EHBP1: variants seen among roughly 807,000 people sequenced by gnomAD.
The protein encoded by EHBP1 is EH domain binding protein 1, also known as EH domain-binding protein 1.
EHBP1 carries 55 observed loss-of-function variants against 144.0 expected under a neutral mutation model. That is an observed-to-expected ratio of 0.38 (90% CI 0.31 to 0.48). The LOEUF (loss-of-function observed/expected upper bound fraction) is 0.48, where lower values mean the gene tolerates loss of function less well. Among genes scored for constraint, EHBP1 ranks in the 20% least tolerant of loss-of-function variants. The pLI is 0.98. For synonymous variants in EHBP1, 469 were observed against 472.7 expected (o/e 0.99, Z 0.10); for missense variants, 1,200 against 1,364.2 (o/e 0.88, Z 1.90).
chr2:62,832,688 T>C (rs2046917575), intron 7 of EHBP1, among the ~76,000 whole-genome samples: 1 of 152,164 alleles, frequency 6.6e-6, no homozygotes, highest in African/African-American at 2.4e-5. Flanking sequence ...GTGCCATGAA[T>C]TGCACCCATT....
chr2:63,008,299 A>G (rs766817884), intron 19 of EHBP1, among the ~76,000 whole-genome samples: 5 of 151,714 alleles, frequency 3.3e-5, no homozygotes, highest in African/African-American at 7.2e-5. Flanking sequence ...AAAAGGGTCA[A>G]TGCTTTTTCC....
chr2:62,838,530 C>T (rs1470829483), intron 7 of EHBP1, among the ~76,000 whole-genome samples: 14 of 152,002 alleles, frequency 9.2e-5, no homozygotes, highest in Non-Finnish European at 1.5e-5. Flanking sequence ...AAAAGCCCTT[C>T]AAAAAATCAG....
chr2:62,681,398 G>GTATA (rs545582118), intron 1 of EHBP1, among the ~76,000 whole-genome samples: 2 of 122,478 alleles, frequency 1.6e-5, no homozygotes, highest in Non-Finnish European at 1.7e-5. Flanking sequence ...GTGTATATAT[G>GTATA]TATATATATA....
chr2:62,813,504 G>GT (rs1466510186), intron 5 of EHBP1, among the ~76,000 whole-genome samples: 1 of 152,186 alleles, frequency 6.6e-6, no homozygotes, highest in African/African-American at 2.4e-5. Context: ...TTACTGGACT[G>GT]TGGGGGTGAG....
rs773253756 is a variant in EHBP1, at chr2:62,831,136, A to G, written c.612A>G (p.Glu204=). Residue 204 remains glutamate, a synonymous_variant, in exon 7 of 23, where the codon GAA becomes GAG. Transcript: ENST00000431489. Reference sequence around the variant, plus strand: ...ATGATGAGAACAGAGTGAACCAAGAAGAAAAGGCAGCTAAAATTACAGGTT... The same window carrying G: ...ATGATGAGAACAGAGTGAACCAAGAGGAAAAGGCAGCTAAAATTACAGGTT... ...EDDDENRVNQ[E]EKAAKITELI... is the part of the protein sequence containing the mutation. 4.4e-6 allele frequency: 7 copies of G among 1,597,304 alleles called. No homozygotes were observed. The highest frequency in any genetic ancestry group is 3.4e-5 in the South Asian group (3 of 87,446).
chr2:62,988,948 T>G lies in EHBP1; in HGVS notation c.2609-1768T>G, dbSNP rs934427227. Among the ~76,000 whole-genome samples, 4 of 152,138 alleles carry G rather than the reference T, an allele frequency of 2.6e-5. No homozygotes were observed. In the East Asian group the frequency reaches 7.7e-4, roughly 29 times the overall value. On this transcript the variant is annotated intron_variant, in intron 15 of 22. Transcript: ENST00000431489. ...TCCCTGTTGGAAATACTATTATTAC[T>G]TCAATAAACAGGTGACCAGGGTTTT...
chr2:62,909,348 A>C (rs567765266), intron 10 of EHBP1, among the ~76,000 whole-genome samples: 1 of 152,172 alleles, frequency 6.6e-6, no homozygotes, highest in East Asian at 1.9e-4. Context: ...ACGCCTGGTT[A>C]ATTTTTGTAT....
At chr2:62,949,186 A>G in intron 13 of EHBP1, 24 bp downstream of exon 13, 1 of 1,502,286 alleles carries the variant, frequency 6.7e-7, no homozygotes, top group Non-Finnish European at 8.9e-7. Context: ...AATGCTGAAT[A>G]CTATATTTAG....
At position 63,038,616 on chromosome 2, in the gene EHBP1, T is replaced by G. The variant is rs1257310054; in HGVS notation, c.3204-127T>G. ...GGTTTTAGGTTTGTGTATCATTCAT[T>G]TGGAGTGGCTTAAACTTAAAGAGAA... On this transcript the variant is annotated intron_variant, in intron 20 of 22. Transcript: ENST00000431489. The G allele has an allele frequency of 1.2e-5, 9 of 720,730 alleles. No individual in the cohort carries two copies. The Admixed American group carries it at 2.0e-4, about 16-fold the overall frequency. The allele number at this position is 720,730 out of a possible 1,614,324, so 44.6% of individuals were successfully genotyped here.
At chr2:62,806,039 G>T (rs1454103327) in intron 5 of EHBP1, among the ~76,000 whole-genome samples, 1 of 151,830 alleles carries the variant, frequency 6.6e-6, no homozygotes, top group African/African-American at 2.4e-5. Context: ...GAGTGCAGTG[G>T]TGCAACTGTG....
intron 14 of EHBP1, among the ~76,000 whole-genome samples, chr2:62,969,242 A>T (rs2058385378): frequency 6.6e-6 from 1 of 152,148 alleles, no homozygotes. Flanking sequence ...TAAGTAAATG[A>T]ATGAAAGAAA....
rs149052374 is a variant in EHBP1 at position 62,767,551 on chromosome 2, C to T, written c.258+3190C>T. Among the ~76,000 whole-genome samples the T allele has an allele frequency of 6.0e-4, 91 of 151,358 alleles. No individual in the cohort carries two copies. The East Asian group carries it at 8.8e-3, about 15-fold the overall frequency. ...ATCTCTACAAAAAATACAAAAAAAACGGACCAGGTGCAGTGGCTCACTCCT... is the reference window on the plus strand; with the variant it reads ...ATCTCTACAAAAAATACAAAAAAAATGGACCAGGTGCAGTGGCTCACTCCT... On this transcript the variant is annotated intron_variant, in intron 4 of 22. Coordinates refer to ENST00000431489, the MANE Select transcript of EHBP1 (RefSeq NM_001142616.3).
In EHBP1 at chr2:62,714,317, C is replaced by T. The variant is rs529629840; in HGVS notation, c.104+7022C>T. Among the ~76,000 whole-genome samples the T allele has an allele frequency of 2.6e-5, 4 of 152,336 alleles. 1 individual carries two copies. The highest frequency in any genetic ancestry group is 9.6e-5 in the African/African-American group (4 of 41,572). On this transcript the variant is annotated intron_variant, in intron 2 of 22. Transcript: ENST00000431489. Reference sequence around the variant, plus strand: ...AGTGTTTAGGGAATACAGAGTCTAGCACCTTTCTGTGTTCTCTGTGCTCAG... The same window carrying T: ...AGTGTTTAGGGAATACAGAGTCTAGTACCTTTCTGTGTTCTCTGTGCTCAG...
At chr2:62,795,302 G>T (rs1315271114) in intron 5 of EHBP1, among the ~76,000 whole-genome samples, 3 of 151,888 alleles carry the variant, frequency 2.0e-5, no homozygotes, top group Non-Finnish European at 4.4e-5. Flanking sequence ...TCAGATTCTA[G>T]TTCTTCAGTG....
intron 7 of EHBP1, among the ~76,000 whole-genome samples, chr2:62,841,245 A>C (rs977263492): frequency 6.6e-6 from 1 of 151,572 alleles, no homozygotes; most frequent in African/African-American, 2.4e-5. Context: ...CAAGATCAAA[A>C]AACCAAACAC....
At chr2:62,841,356 G>A (rs1172355924) in intron 7 of EHBP1, among the ~76,000 whole-genome samples, 5 of 119,472 alleles carry the variant, frequency 4.2e-5, no homozygotes, top group African/African-American at 1.3e-4. Context: ...GGGGGGAGGG[G>A]GGAGGGATAG....
chr2:62,949,140 ATCAT>A lies in EHBP1; in HGVS notation c.2299_2302del (p.Ser767GlnfsTer3). 1 of 1,558,862 alleles carries A rather than the reference ATCAT, an allele frequency of 6.4e-7. No individual in the cohort carries two copies. The highest frequency in any genetic ancestry group is 8.6e-7 in the Non-Finnish European group (1 of 1,159,306). On this transcript the variant is annotated frameshift_variant, in exon 13 of 23. Coordinates refer to ENST00000431489, the MANE Select transcript of EHBP1 (RefSeq NM_001142616.3). LOFTEE classifies it high-confidence loss of function. ...GATAGAACCACTTTAAATCATGCAG[ATCAT>A]TCATCAAAAATAGTCCAGGTAAGTG...
At chr2:62,812,929 G>A (rs1028146607) in intron 5 of EHBP1, among the ~76,000 whole-genome samples, 1 of 152,170 alleles carries the variant, frequency 6.6e-6, no homozygotes, top group East Asian at 1.9e-4. Context: ...TAAGAGTTTA[G>A]CTAAGCAACC....
intron 5 of EHBP1, among the ~76,000 whole-genome samples, chr2:62,814,313 C>T (rs868217601): frequency 6.6e-6 from 1 of 152,222 alleles, no homozygotes; most frequent in Non-Finnish European, 1.5e-5. Flanking sequence ...TGGCATTCTG[C>T]CATGGGATGA....
Sources: allele counts gnomAD v4.1 joint callset (sites outside exome capture counted in the v4.1 genomes callset), GRCh38; gene constraint gnomAD v4.1.1; transcripts MANE v1.5; gene names NCBI Gene and HGNC (gene_info 2026-07-23, HGNC 2026-07-21).